The following GMPS variants were observed in gnomAD, a reference collection of about 807,000 sequenced individuals.
GMPS encodes the protein guanosine monophosphate synthase.
Under a neutral mutation model 77.9 loss-of-function variants are expected in GMPS, and 15 were observed. That is an observed-to-expected ratio of 0.19 (90% confidence interval 0.13 to 0.30). The LOEUF (loss-of-function observed/expected upper bound fraction) is 0.30, where lower values mean the gene tolerates loss of function less well. Among genes scored for constraint, GMPS ranks in the 10% least tolerant of loss-of-function variants. The probability of loss-of-function intolerance (pLI) is 1.00; values close to 1 mark genes in which losing one functional copy is unlikely to be tolerated. For missense variants in GMPS, 590 were observed against 838.8 expected, an observed-to-expected ratio of 0.70 and a Z score of 3.66; for synonymous variants, 224 against 275.9, an observed-to-expected ratio of 0.81 and a Z score of 1.86.
upstream of GMPS, chr3:155,870,625 C>CGGGGCGGAAGCAG (rs1286644027): frequency 2.2e-6 from 1 of 460,150 alleles, no homozygotes; most frequent in East Asian, 3.6e-5. Context: ...AGTGGCCGGC[C>CGGGGCGGAAGCAG]GGGGCGGAAG....
intron 1 of GMPS, among the ~76,000 whole-genome samples, chr3:155,890,657 A>G (rs1054673871): frequency 6.6e-6 from 1 of 152,184 alleles, no homozygotes; most frequent in African/African-American, 2.4e-5. Flanking sequence ...ATGTCATGAA[A>G]TATCTCCTAG....
At chr3:155,936,801 G>A (rs1026961031) in intron 15 of GMPS, among the ~76,000 whole-genome samples, 2 of 152,104 alleles carry the variant, frequency 1.3e-5, no homozygotes, top group African/African-American at 4.8e-5. Context: ...AAATAAAAAA[G>A]AAAACTCTAG....
intron 1 of GMPS, among the ~76,000 whole-genome samples, chr3:155,885,364 G>A (rs536852606): frequency 6.6e-6 from 1 of 152,246 alleles, no homozygotes; most frequent in Admixed American, 6.5e-5. Context: ...TGAAATTTTT[G>A]TTTATATTTA....
upstream of GMPS, among the ~76,000 whole-genome samples, chr3:155,870,009 C>G (rs775167553): frequency 1.3e-5 from 2 of 152,216 alleles, no homozygotes; most frequent in Non-Finnish European, 2.9e-5. Flanking sequence ...CAGAGCTTCA[C>G]GACCAGTTCC....
Position 155,870,852 on chromosome 3 carries a change from G to T in GMPS, c.-19G>T. The T allele has an allele frequency of 6.7e-7, 1 of 1,496,122 alleles. No individual in the cohort carries two copies. Among genetic ancestry groups the T allele is most frequent in the Non-Finnish European group, 8.9e-7 (1 of 1,123,082 alleles). 92.7% of individuals were successfully genotyped at this position (1,496,122 alleles called of 1,614,324 possible). On this transcript the variant is annotated 5_prime_UTR_variant, in exon 1 of 16. Transcript: ENST00000496455. ...CTCGTACTGTCGCCGTCACCGCCGC[G>T]GCTCCGGCCCTGGCCCCGATGGCTC...
At chr3:155,922,342 G>T in intron 11 of GMPS, 40 bp downstream of exon 11, 1 of 793,106 alleles carries the variant, frequency 1.3e-6, no homozygotes, top group South Asian at 1.8e-5. Context: ...GAAATTGAAC[G>T]GATTCTTATT....
At chr3:155,933,567 A>G (rs549865660) in intron 13 of GMPS, among the ~76,000 whole-genome samples, 181 of 152,322 alleles carry the variant, frequency 1.2e-3, no homozygotes, top group African/African-American at 3.7e-3. Context: ...CTGTTGTAGT[A>G]TGTTTGGAAG....
chr3:155,887,840 A>C (rs1754371796), intron 1 of GMPS, among the ~76,000 whole-genome samples: 1 of 152,184 alleles, frequency 6.6e-6, no homozygotes, highest in Non-Finnish European at 1.5e-5. Flanking sequence ...AATACAGCAA[A>C]ATGTTACTGA....
In GMPS at chr3:155,942,097, TTTTG is replaced by T; in HGVS notation, c.*4409_*4412del. On this transcript the variant is annotated 3_prime_UTR_variant, in exon 16 of 16. Transcript: ENST00000496455. ...TAGAACTCAAGCATTTACAGTTTTG[TTTTG>T]TTTTTTTTTTAAGACAGAGTCTCGC... 5.1e-6 allele frequency: 1 copy of T among 194,936 alleles called. No individual in the cohort carries two copies. Among genetic ancestry groups the T allele is most frequent in the Non-Finnish European group, 1.1e-5 (1 of 94,076 alleles). 12.1% of individuals were successfully genotyped at this position (194,936 alleles called of 1,614,324 possible).
chr3:155,926,415 A>G (rs981367959), intron 12 of GMPS, among the ~76,000 whole-genome samples: 1 of 152,102 alleles, frequency 6.6e-6, no homozygotes, highest in Non-Finnish European at 1.5e-5. Flanking sequence ...TTAAATGGAG[A>G]CACTAGAAGA....
intron 11 of GMPS, among the ~76,000 whole-genome samples, chr3:155,922,886 G>C (rs1755352218): frequency 6.6e-6 from 1 of 152,138 alleles, no homozygotes; most frequent in African/African-American, 2.4e-5. Flanking sequence ...ATTTTAAAGT[G>C]GATCTGGGTT....
chr3:155,913,798 G>A (rs1755099147), intron 7 of GMPS, among the ~76,000 whole-genome samples: 1 of 151,998 alleles, frequency 6.6e-6, no homozygotes, highest in African/African-American at 2.4e-5. Context: ...TGGTATTACA[G>A]GTGTGAGCCA....
rs921956251 is a variant in GMPS at position 155,911,251 on chromosome 3, C to G, written c.858C>G (p.Ala286=). Residue 286 remains alanine (A), a synonymous_variant, in exon 7 of 16, where the codon GCC becomes GCG. Transcript: ENST00000496455. ...RKRESQSVEE[A]LKKLGIQVKV... is the part of the protein sequence containing the mutation. ...GAGAAAGCCAGTCTGTTGAAGAGGC[C>G]CTCAAAAAGCTTGGAATTCAGGTCA... 5 of 1,607,748 alleles carry G rather than the reference C, an allele frequency of 3.1e-6. No individual in the cohort carries two copies. In the African/African-American group the frequency reaches 6.7e-5, roughly 22 times the overall value.
chr3:155,905,720 A>G (rs115104025), intron 4 of GMPS, among the ~76,000 whole-genome samples: 2,993 of 152,340 alleles, frequency 0.02, 60 homozygotes, highest in Non-Finnish European at 0.031. Flanking sequence ...GCCTGTATCT[A>G]TATTGTACTT....
chr3:155,917,871 CA>C (rs1399113063), intron 9 of GMPS, among the ~76,000 whole-genome samples: 1 of 151,896 alleles, frequency 6.6e-6, no homozygotes, highest in African/African-American at 2.4e-5. Context: ...AACTCTGTCT[CA>C]AAAAAACAAA....
At position 155,939,011 on chromosome 3, in the gene GMPS, T is replaced by G. The variant is rs1399441239; in HGVS notation, c.*1319T>G. On this transcript the variant is annotated 3_prime_UTR_variant, in exon 16 of 16. Coordinates refer to ENST00000496455, the MANE Select transcript of GMPS (RefSeq NM_003875.3). ...CTATTAATCAGGAATGAAATTTTAT[T>G]TGGGATTCAGTGTTAGACAAACAAC... The G allele has an allele frequency of 4.6e-6, 1 of 218,734 alleles. No individual in the cohort carries two copies. Among genetic ancestry groups the G allele is most frequent in the Non-Finnish European group, 9.2e-6 (1 of 109,038 alleles). The allele number at this position is 218,734 out of a possible 1,614,324, so 13.5% of individuals were successfully genotyped here. A position where few individuals can be genotyped will look rare whatever the true frequency, so the allele number is the denominator to read the frequency against.
intron 7 of GMPS, among the ~76,000 whole-genome samples, chr3:155,913,180 C>T (rs1577521979): frequency 6.6e-6 from 1 of 152,336 alleles, no homozygotes; most frequent in East Asian, 1.9e-4. Flanking sequence ...TATGTCTTCT[C>T]TGGGTAGTTG....
chr3:155,894,379 A>G (rs1037685221), intron 2 of GMPS, among the ~76,000 whole-genome samples: 11 of 152,032 alleles, frequency 7.2e-5, no homozygotes, highest in African/African-American at 2.7e-4. Context: ...GGATGCCACC[A>G]CACCTGGCTA....
intron 1 of GMPS, among the ~76,000 whole-genome samples, chr3:155,891,071 A>G (rs1019521116): frequency 1.3e-5 from 2 of 152,334 alleles, no homozygotes; most frequent in South Asian, 2.1e-4. Context: ...TGTTATTTAC[A>G]TGGTGGTTTG....
Sources: allele counts gnomAD v4.1 joint callset (sites outside exome capture counted in the v4.1 genomes callset), GRCh38; gene constraint gnomAD v4.1.1; transcripts MANE v1.5; gene names NCBI Gene and HGNC (gene_info 2026-07-23, HGNC 2026-07-21).